Variants in CDC25C observed in about 807,000 individuals in gnomAD.
The protein encoded by CDC25C is cell division cycle 25C.
CDC25C carries 48 observed loss-of-function variants against 52.5 expected under a neutral mutation model. The ratio of observed to expected loss-of-function variants is 0.91; its 90% CI spans 0.72 to 1.16. CDC25C has a LOEUF of 1.16. Among genes scored for constraint, CDC25C ranks in the 50% most tolerant of loss-of-function variants. CDC25C has a pLI of 0.00. For missense variants in CDC25C, 510 were observed against 566.1 expected (o/e 0.90, Z 1.01); for synonymous variants, 187 against 206.5 (o/e 0.91, Z 0.81).
At chr5:138,319,893 T>A (rs543316588) in intron 6 of CDC25C, among the ~76,000 whole-genome samples, 1 of 152,284 alleles carries the variant, frequency 6.6e-6, no homozygotes, top group East Asian at 1.9e-4. Flanking sequence ...GCATTGCTGG[T>A]GGGAATGTAA....
intron 10 of CDC25C, among the ~76,000 whole-genome samples, chr5:138,289,096 C>T (rs1309078235): frequency 6.6e-6 from 1 of 152,062 alleles, no homozygotes; most frequent in Admixed American, 6.6e-5. Context: ...TCCCAAGTAG[C>T]TGGGATTATA....
chr5:138,310,321 T>C (rs1370096221), intron 7 of CDC25C, among the ~76,000 whole-genome samples: 3 of 152,206 alleles, frequency 2.0e-5, no homozygotes, highest in Non-Finnish European at 2.9e-5. Context: ...AATGCCCTCA[T>C]AGGACCTTAC....
At chr5:138,302,668 C>T (rs1020153700) in intron 7 of CDC25C, among the ~76,000 whole-genome samples, 1 of 151,348 alleles carries the variant, frequency 6.6e-6, no homozygotes, top group Non-Finnish European at 1.5e-5. Flanking sequence ...CATTGCACTC[C>T]AGCCTGAGCA....
At chr5:138,304,065 A>G (rs1263159175) in intron 7 of CDC25C, among the ~76,000 whole-genome samples, 1 of 152,250 alleles carries the variant, frequency 6.6e-6, no homozygotes, top group Non-Finnish European at 1.5e-5. Flanking sequence ...CAAACTGCAT[A>G]TGACTAAAGT....
chr5:138,331,168 G>T lies in CDC25C; in HGVS notation c.13C>A (p.Leu5Ile). 6.2e-7 allele frequency: 1 copy of T among 1,614,102 alleles called. No homozygotes were observed. Reference sequence around the variant, plus strand: ...CCTTCCTCTCTTGTGGATGAGAAGAGTTCCGTAGACATGGTCTTCGAATTC... The same window carrying T: ...CCTTCCTCTCTTGTGGATGAGAAGATTTCCGTAGACATGGTCTTCGAATTC... MSTELFSSTREEGSS... is the reference protein window; with the variant it reads MSTEIFSSTREEGSS... The change falls in exon 2 of 14, where the codon CTC becomes ATC. Residue 5 changes from leucine (L) to isoleucine (I), a missense_variant. Coordinates refer to ENST00000323760, the MANE Select transcript of CDC25C (RefSeq NM_001790.5).
At chr5:138,314,074 C>T (rs557451555) in intron 7 of CDC25C, among the ~76,000 whole-genome samples, 22 of 146,024 alleles carry the variant, frequency 1.5e-4, no homozygotes, top group African/African-American at 5.6e-4. Context: ...CAGCTTACTG[C>T]AACCTCTGCC....
At chr5:138,320,342 G>A (rs536848348) in intron 6 of CDC25C, among the ~76,000 whole-genome samples, 52 of 151,746 alleles carry the variant, frequency 3.4e-4, no homozygotes, top group African/African-American at 1.3e-3. Context: ...TAAAAGCAAG[G>A]ACTCAAGCAG....
chr5:138,285,787 C>T lies in CDC25C; in HGVS notation c.1327G>A (p.Glu443Lys), dbSNP rs761597250. ...CPMHHQDHKTELLRCRSQSKV... is the reference protein window; with the variant it reads ...CPMHHQDHKTKLLRCRSQSKV... The stretch of plus-strand genomic sequence containing the variant: ...CTCTGGCTTCGACACCTCAGCAACT[C>T]AGTCTTGTGGTCCTGATGATGCATA... Residue 443 changes from glutamate (E) to lysine (K), a missense_variant, in exon 14 of 14, where the codon GAG (glutamate) becomes AAG (lysine). Glu to Lys is a moderately conservative substitution (Grantham distance 56, BLOSUM62 1). Coordinates refer to ENST00000323760, the MANE Select transcript of CDC25C (RefSeq NM_001790.5). The T allele has an allele frequency of 1.9e-6, 3 of 1,614,224 alleles. No individual in the cohort carries two copies. In the East Asian group the frequency reaches 6.7e-5, roughly 36 times the overall value.
chr5:138,301,294 C>T (rs540834347), intron 7 of CDC25C, among the ~76,000 whole-genome samples: 6 of 152,170 alleles, frequency 3.9e-5, no homozygotes, highest in South Asian at 4.1e-4. Context: ...GACACTAAAA[C>T]GCTAATAAGG....
chr5:138,310,083 C>CG (rs1758326798), intron 7 of CDC25C, among the ~76,000 whole-genome samples: 1 of 152,216 alleles, frequency 6.6e-6, no homozygotes, highest in Non-Finnish European at 1.5e-5. Context: ...TCTTACTTTA[C>CG]TGAGTCCACC....
upstream of CDC25C, among the ~76,000 whole-genome samples, chr5:138,332,893 C>T (rs141513311): frequency 7.9e-4 from 120 of 152,210 alleles, no homozygotes; most frequent in African/African-American, 2.7e-3. Flanking sequence ...TAATCCTGTG[C>T]TGGGGGAAGG....
chr5:138,304,495 C>T (rs1419235059), intron 7 of CDC25C, among the ~76,000 whole-genome samples: 1 of 150,380 alleles, frequency 6.6e-6, no homozygotes, highest in Admixed American at 6.7e-5. Flanking sequence ...TTACCTGCTT[C>T]CAACTCTTTT....
chr5:138,302,946 G>A (rs1757744320), intron 7 of CDC25C, among the ~76,000 whole-genome samples: 1 of 151,774 alleles, frequency 6.6e-6, no homozygotes. Flanking sequence ...GTGTTTGCCT[G>A]TAGTCCCAGC....
chr5:138,296,653 CG>C lies in CDC25C; in HGVS notation c.616-4538del, dbSNP rs1330621857. On this transcript the variant is annotated intron_variant, in intron 7 of 13. Coordinates refer to ENST00000323760, the MANE Select transcript of CDC25C (RefSeq NM_001790.5). ...CAGAGTCTCGCTCTTTCACCCAGGC[CG>C]GAATGCAGTGGCGCGATCTCGGCTC... Among the ~76,000 whole-genome samples, 38 of 149,786 alleles carry C rather than the reference CG, an allele frequency of 2.5e-4. 1 individual carries two copies. The highest frequency in any genetic ancestry group is 2.4e-3 in the Admixed American group (36 of 15,094).
chr5:138,291,990 C>T lies in CDC25C; in HGVS notation c.742G>A (p.Gly248Ser). Residue 248 changes from glycine to serine, a missense_variant, in exon 8 of 14, where the codon GGC becomes AGC. Gly to Ser is a moderately conservative substitution (Grantham distance 56). Transcript: ENST00000323760. Reference sequence around the variant, plus strand: ...CTTACCTTCCTGAGCTTTCCTTGGCCAGAAAAATACTTTTTTTTAACTTTA... The same window carrying T: ...CTTACCTTCCTGAGCTTTCCTTGGCTAGAAAAATACTTTTTTTTAACTTTA... ...PDKVKKKYFS[G>S]QGKLRKGLCL... is the part of the protein sequence containing the mutation. The T allele has an allele frequency of 6.2e-7, 1 of 1,607,722 alleles. No homozygotes were observed. The highest frequency in any genetic ancestry group is 1.1e-5 in the South Asian group (1 of 90,066).
intron 11 of CDC25C, 132 bp from the exon 12 acceptor site, chr5:138,286,762 G>A (rs1756279767): frequency 2.7e-6 from 2 of 749,800 alleles, no homozygotes; most frequent in Non-Finnish European, 4.3e-6. Flanking sequence ...TTTAGGGCAG[G>A]GGTCTAAGTA....
intron 7 of CDC25C, among the ~76,000 whole-genome samples, chr5:138,298,410 T>C (rs756121111): frequency 4.6e-5 from 7 of 152,056 alleles, no homozygotes; most frequent in Non-Finnish European, 7.4e-5. Context: ...TACACATTCT[T>C]CTCCAGTACA....
At chr5:138,315,302 C>G (rs1758793690) in intron 7 of CDC25C, among the ~76,000 whole-genome samples, 1 of 151,962 alleles carries the variant, frequency 6.6e-6, no homozygotes, top group African/African-American at 2.4e-5. Context: ...CTTACTATGC[C>G]TAAGTAAAAA....
At chr5:138,322,443 A>G (rs1275833903) in intron 6 of CDC25C, among the ~76,000 whole-genome samples, 1 of 134,074 alleles carries the variant, frequency 7.5e-6, no homozygotes, top group African/African-American at 2.8e-5. Flanking sequence ...GGGATTACAG[A>G]TGCCTGCCAC....
Sources: allele counts gnomAD v4.1 joint callset (sites outside exome capture counted in the v4.1 genomes callset), GRCh38; gene constraint gnomAD v4.1.1; transcripts MANE v1.5; gene names NCBI Gene and HGNC (gene_info 2026-07-23, HGNC 2026-07-21).